Variants in THADA observed in about 807,000 individuals in gnomAD.
THADA encodes tRNA (32-2'-O)-methyltransferase regulator THADA.
In THADA, 213 loss-of-function variants were observed where a neutral mutation model predicts 219.8. The observed-to-expected ratio is 0.97, with a 90% CI of 0.87 to 1.09. The LOEUF (loss-of-function observed/expected upper bound fraction) is 1.09, where lower values mean the gene tolerates loss of function less well. Ranked by LOEUF, THADA falls within the 50% of genes least tolerant of loss-of-function variation. THADA has a pLI of 0.00. For synonymous variants in THADA, 1,018 were observed against 828.9 expected (o/e 1.23, Z -3.92); for missense variants, 2,956 against 2,311.3 (o/e 1.28, Z -5.72).
chr2:43,301,737 T>C (rs900606043), intron 31 of THADA, among the ~76,000 whole-genome samples: 6 of 152,182 alleles, frequency 3.9e-5, no homozygotes, highest in Non-Finnish European at 8.8e-5. Flanking sequence ...ATCTCTGGGG[T>C]GAAACCTAGC....
chr2:43,549,287 A>C lies in THADA; in HGVS notation c.3029T>G (p.Leu1010Trp). The C allele has an allele frequency of 6.3e-7, 1 of 1,598,952 alleles. No homozygotes were observed. Among genetic ancestry groups the C allele is most frequent in the East Asian group, 2.2e-5 (1 of 44,798 alleles). Residue 1010 changes from leucine to tryptophan, a missense_variant, in exon 20 of 38, where the codon TTG (leucine) becomes TGG (tryptophan). Leu to Trp is a moderately conservative substitution (Grantham distance 61). Transcript: ENST00000405975. The part of the protein sequence containing the change: ...TNDYFNQAKI[L>W]KEHDSFDMKD... ...CATATCAAAGCTATCATGTTCTTTC[A>C]ATATTTTGGCTTGGTTAAAATAATC... is the stretch of plus-strand genomic sequence containing the variant.
At chr2:43,375,534 T>G (rs753145438) in intron 29 of THADA, among the ~76,000 whole-genome samples, 20 of 152,244 alleles carry the variant, frequency 1.3e-4, no homozygotes, top group Non-Finnish European at 2.5e-4. Context: ...AATTACTGGA[T>G]GACATCTAAG....
chr2:43,378,965 G>T (rs1007365054), intron 29 of THADA, among the ~76,000 whole-genome samples: 21 of 152,056 alleles, frequency 1.4e-4, no homozygotes, highest in African/African-American at 4.3e-4. Context: ...TCAACTGGAG[G>T]ATAAGACAGA....
At position 43,590,940 on chromosome 2, in the gene THADA, C is replaced by G. The variant is rs752846195; in HGVS notation, c.186G>C (p.Leu62=). 7 of 1,612,384 alleles carry G rather than the reference C, an allele frequency of 4.3e-6. No individual in the cohort carries two copies. The highest frequency in any genetic ancestry group is 5.9e-6 in the Non-Finnish European group (7 of 1,179,054). The part of the protein sequence containing the change: ...IHYIKQIVPL[L]EKADKNGMCD... ...ACATGCCATTTTTATCTGCTTTCTC[C>G]AGCAGAGGCACAATCTATAATACAA... The change falls in exon 4 of 38, where the codon CTG becomes CTC. Residue 62 remains leucine, a synonymous_variant. Transcript: ENST00000405975.
intron 12 of THADA, 132 bp downstream of exon 12, chr2:43,572,682 C>G: frequency 1.5e-6 from 1 of 689,050 alleles, no homozygotes; most frequent in South Asian, 3.3e-5. Flanking sequence ...AGTTGGGAGA[C>G]TAGGGTTTCT....
chr2:43,332,605 G>GT (rs1665916638), intron 30 of THADA, among the ~76,000 whole-genome samples: 1 of 152,190 alleles, frequency 6.6e-6, no homozygotes, highest in African/African-American at 2.4e-5. Flanking sequence ...GATGGAAGAT[G>GT]TTACATGCTA....
rs192529653 is a variant in THADA at position 43,334,339 on chromosome 2, G to A, written c.4343+9783C>T. Among the ~76,000 whole-genome samples, 19 of 152,246 alleles carry A rather than the reference G, an allele frequency of 1.2e-4. No individual in the cohort carries two copies. In the East Asian group the frequency reaches 3.7e-3, roughly 29 times the overall value. The stretch of plus-strand genomic sequence containing the variant: ...ATGGGGGTGTGAAGGGCACTTACAG[G>A]AAAGCTGGACAGGGAAGTGGATAGA... On this transcript the variant is annotated intron_variant, in intron 30 of 37. Transcript: ENST00000405975.
chr2:43,566,886 T>A, intron 14 of THADA, 65 bp from the exon 15 acceptor site: 1 of 1,179,926 alleles, frequency 8.5e-7, no homozygotes. Flanking sequence ...TTCAGAGTAT[T>A]AAACACCCTT....
intron 26 of THADA, among the ~76,000 whole-genome samples, chr2:43,471,855 C>A (rs573874872): frequency 6.6e-6 from 1 of 152,254 alleles, no homozygotes; most frequent in African/African-American, 2.4e-5. Flanking sequence ...ATTTCCAGCA[C>A]ACTGTATGCT....
At chr2:43,525,396 A>T (rs1015210858) in intron 22 of THADA, among the ~76,000 whole-genome samples, 23 of 152,212 alleles carry the variant, frequency 1.5e-4, no homozygotes, top group Admixed American at 1.4e-3. Flanking sequence ...GATGCACTTA[A>T]AATCAAAGGA....
At chr2:43,570,312 T>G (rs1699149167) in intron 14 of THADA, 76 bp downstream of exon 14, 3 of 1,377,582 alleles carry the variant, frequency 2.2e-6, no homozygotes, top group Non-Finnish European at 3.0e-6. Flanking sequence ...GACTTCCATT[T>G]ATTTCCCTTT....
At chr2:43,527,822 C>T in intron 22 of THADA, 57 bp downstream of exon 22, 1 of 1,208,138 alleles carries the variant, frequency 8.3e-7, no homozygotes, top group Non-Finnish European at 1.2e-6. Context: ...CTACTCCAAG[C>T]ATATGCTTTG....
chr2:43,304,967 C>T (rs6715059), intron 31 of THADA, among the ~76,000 whole-genome samples: 35,300 of 152,070 alleles, frequency 0.23, 5,199 homozygotes, highest in African/African-American at 0.41. Context: ...CCACTGTGCC[C>T]GGCCTAGACT....
At chr2:43,395,530 T>C (rs193292493) in intron 29 of THADA, among the ~76,000 whole-genome samples, 3 of 150,286 alleles carry the variant, frequency 2.0e-5, no homozygotes, top group South Asian at 2.1e-4. Context: ...ACAGACTAGA[T>C]TATCTGAAAC....
In THADA at chr2:43,574,676, C is replaced by G; in HGVS notation, c.1389G>C (p.Glu463Asp). 6.2e-7 allele frequency: 1 copy of G among 1,614,032 alleles called. No homozygotes were observed. Residue 463 changes from glutamate (E) to aspartate (D), a missense_variant, in exon 11 of 38, where the codon GAG becomes GAC. Physicochemically the swap from Glu to Asp is conservative, Grantham distance 45. Coordinates refer to ENST00000405975, the MANE Select transcript of THADA (RefSeq NM_022065.5). The stretch of plus-strand genomic sequence containing the variant: ...CCAAAATATGTTCAACTCCTATGCA[C>G]TCTACCAAACAACCAAGGCACGTGT... The part of the protein sequence containing the change: ...GKYTCLGCLV[E>D]CIGVEHILAI...
intron 26 of THADA, among the ~76,000 whole-genome samples, chr2:43,469,706 A>G (rs1321426621): frequency 1.3e-5 from 2 of 152,216 alleles, no homozygotes; most frequent in African/African-American, 2.4e-5. Context: ...TCTGCATAAG[A>G]GAATATTCCC....
chr2:43,417,049 T>C (rs1364325990), intron 28 of THADA, among the ~76,000 whole-genome samples: 1 of 149,836 alleles, frequency 6.7e-6, no homozygotes, highest in Non-Finnish European at 1.5e-5. Flanking sequence ...TTTTTTTTTT[T>C]TTTTTTTTTT....
chr2:43,470,207 CA>C (rs67659070), intron 26 of THADA, among the ~76,000 whole-genome samples: 24,953 of 80,730 alleles, frequency 0.31, 1,720 homozygotes, highest in African/African-American at 0.36. Flanking sequence ...GACCTTGTCT[CA>C]AAAAAAAAAA....
chr2:43,538,987 T>C (rs909011098), intron 21 of THADA, among the ~76,000 whole-genome samples: 14 of 152,244 alleles, frequency 9.2e-5, no homozygotes, highest in African/African-American at 2.9e-4. Context: ...CGGACTGTCA[T>C]CTACATTCAA....
Sources: gnomAD v4.1 joint callset for allele counts (sites outside exome capture counted in the v4.1 genomes callset) on GRCh38, gnomAD v4.1.1 for gene constraint, MANE v1.5 for transcripts, NCBI Gene and HGNC (gene_info 2026-07-23, HGNC 2026-07-21) for gene names.